The following LRRC3B variants were observed in gnomAD, a reference collection of about 807,000 sequenced individuals.
LRRC3B encodes leucine rich repeat containing 3B, also known as leucine-rich repeat-containing protein 3B.
In LRRC3B, 2 loss-of-function variants were observed where a neutral mutation model predicts 12.8. The observed-to-expected ratio is 0.16, with a 90% confidence interval of 0.06 to 0.49. LRRC3B has a LOEUF of 0.49. Ranked by LOEUF, LRRC3B falls within the 20% of genes least tolerant of loss-of-function variation. The pLI is 0.96. For synonymous variants in LRRC3B, 132 were observed against 122.0 expected (o/e 1.08, Z -0.54); for missense variants, 189 against 319.4 (o/e 0.59, Z 3.11).
chr3:26,668,323 A>G (rs908155326), intron 1 of LRRC3B, among the ~76,000 whole-genome samples: 1 of 152,156 alleles, frequency 6.6e-6, no homozygotes, highest in African/African-American at 2.4e-5. Context: ...GTGATTGATC[A>G]TGACATTAGA....
intron 1 of LRRC3B, among the ~76,000 whole-genome samples, chr3:26,632,481 G>T (rs1050017319): frequency 6.6e-6 from 1 of 152,084 alleles, no homozygotes; most frequent in Non-Finnish European, 1.5e-5. Flanking sequence ...CTATAATTGG[G>T]ACTTCTGAAC....
At chr3:26,649,724 A>G (rs1699224867) in intron 1 of LRRC3B, among the ~76,000 whole-genome samples, 1 of 152,092 alleles carries the variant, frequency 6.6e-6, no homozygotes, top group South Asian at 2.1e-4. Flanking sequence ...ACTTCCTTTA[A>G]GGCATTTGGT....
intron 1 of LRRC3B, among the ~76,000 whole-genome samples, chr3:26,637,065 C>T (rs1481650135): frequency 3.3e-5 from 5 of 150,292 alleles, no homozygotes; most frequent in African/African-American, 1.2e-4. Flanking sequence ...GGCGTGATCT[C>T]GGCTCACTGC....
intron 1 of LRRC3B, among the ~76,000 whole-genome samples, chr3:26,637,768 A>G (rs1698935124): frequency 7.0e-6 from 1 of 142,166 alleles, no homozygotes; most frequent in Non-Finnish European, 1.5e-5. Flanking sequence ...AGAGCAAGAC[A>G]ATAATAACAC....
chr3:26,646,490 T>C (rs1333693200), intron 1 of LRRC3B, among the ~76,000 whole-genome samples: 14 of 151,956 alleles, frequency 9.2e-5, no homozygotes. Flanking sequence ...CAGTCACCTT[T>C]TCAGTTTCCT....
intron 1 of LRRC3B, among the ~76,000 whole-genome samples, chr3:26,643,951 A>G (rs775317109): frequency 2.0e-5 from 3 of 152,214 alleles, no homozygotes; most frequent in Non-Finnish European, 4.4e-5. Flanking sequence ...GCACACACAT[A>G]TACGCACAAA....
chr3:26,710,446 G>C, exon 2 of LRRC3B: 1 of 1,587,120 alleles, frequency 6.3e-7, no homozygotes, highest in Non-Finnish European at 8.6e-7. Context: ...TTAGCACTGT[G>C]GTATAGTGTC....
intron 1 of LRRC3B, among the ~76,000 whole-genome samples, chr3:26,646,646 A>G (rs1699156935): frequency 1.4e-5 from 2 of 146,212 alleles, no homozygotes; most frequent in African/African-American, 2.5e-5. Flanking sequence ...ACGGATTTTA[A>G]CATGCAGGCC....
At chr3:26,638,787 A>T (rs1211860515) in intron 1 of LRRC3B, among the ~76,000 whole-genome samples, 1 of 152,204 alleles carries the variant, frequency 6.6e-6, no homozygotes, top group Non-Finnish European at 1.5e-5. Flanking sequence ...GTTCATTCTT[A>T]GACTGTTTTG....
chr3:26,666,570 T>C (rs1489998013), intron 1 of LRRC3B, among the ~76,000 whole-genome samples: 2 of 152,150 alleles, frequency 1.3e-5, no homozygotes, highest in East Asian at 3.9e-4. Context: ...AAATTTAGAA[T>C]AGTTTTAGTT....
chr3:26,655,966 A>T lies in LRRC3B; in HGVS notation c.-161+32729A>T, dbSNP rs549447118. 4.6e-5 allele frequency among the ~76,000 whole-genome samples: 7 copies of T among 152,328 alleles called. No individual in the cohort carries two copies. The East Asian group carries it at 1.4e-3, about 29-fold the overall frequency. On this transcript the variant is annotated intron_variant, in intron 1 of 1. Coordinates refer to ENST00000396641, the Ensembl canonical transcript of LRRC3B. ...CTAGTCAAAATGGTCATACTAATAA[A>T]TGATAGTGCCGGACTTCAGACTAAG...
At chr3:26,650,902 T>A (rs919099503) in intron 1 of LRRC3B, among the ~76,000 whole-genome samples, 1 of 152,204 alleles carries the variant, frequency 6.6e-6, no homozygotes. Context: ...CTTGGTGCCA[T>A]GTATTCCTGT....
At chr3:26,682,656 C>A (rs1315564203) in intron 1 of LRRC3B, among the ~76,000 whole-genome samples, 3 of 152,180 alleles carry the variant, frequency 2.0e-5, no homozygotes, top group Admixed American at 6.5e-5. Context: ...AAACTAAATG[C>A]TCCTTTTGGT....
chr3:26,683,425 G>A (rs1404668529), intron 1 of LRRC3B, among the ~76,000 whole-genome samples: 4 of 151,916 alleles, frequency 2.6e-5, no homozygotes, highest in Admixed American at 6.6e-5. Context: ...CACCAGTTTA[G>A]GCCAAACATA....
chr3:26,627,731 A>G (rs1321147882), intron 1 of LRRC3B, among the ~76,000 whole-genome samples: 1 of 152,136 alleles, frequency 6.6e-6, no homozygotes, highest in Non-Finnish European at 1.5e-5. Flanking sequence ...CATTTTCCGG[A>G]GAATTCATTA....
At chr3:26,698,085 G>A (rs1454381218) in intron 1 of LRRC3B, among the ~76,000 whole-genome samples, 2 of 152,190 alleles carry the variant, frequency 1.3e-5, no homozygotes, top group East Asian at 3.8e-4. Flanking sequence ...GCTCCACATT[G>A]TCATAGCAGA....
At chr3:26,672,332 CTTA>C (rs910085793) in intron 1 of LRRC3B, among the ~76,000 whole-genome samples, 6 of 152,092 alleles carry the variant, frequency 3.9e-5, no homozygotes, top group Admixed American at 2.6e-4. Context: ...AGCCTGATTT[CTTA>C]TTTTTATTCC....
intron 1 of LRRC3B, among the ~76,000 whole-genome samples, chr3:26,671,373 T>TAGAGAGAG (rs1195473054): frequency 0.015 from 433 of 28,234 alleles, 27 homozygotes; most frequent in African/African-American, 0.021. Flanking sequence ...TATATATATA[T>TAGAGAGAG]AGAGAGAGAG....
At chr3:26,680,548 G>GT (rs1466677912) in intron 1 of LRRC3B, among the ~76,000 whole-genome samples, 6 of 152,160 alleles carry the variant, frequency 3.9e-5, no homozygotes, top group Non-Finnish European at 2.9e-5. Flanking sequence ...AGTGTCACAC[G>GT]TATTACACCT....
Sources: allele counts gnomAD v4.1 joint callset (sites outside exome capture counted in the v4.1 genomes callset), GRCh38; gene constraint gnomAD v4.1.1; transcripts MANE v1.5; gene names NCBI Gene and HGNC (gene_info 2026-07-23, HGNC 2026-07-21).